CCDC88C: variants seen among roughly 807,000 people sequenced by gnomAD.
The protein encoded by CCDC88C is coiled-coil and HOOK domain protein 88C.
Under a neutral mutation model 198.8 loss-of-function variants are expected in CCDC88C, and 131 were observed. That is an observed-to-expected ratio of 0.66 (90% CI 0.57 to 0.76). CCDC88C has a LOEUF of 0.76. CCDC88C is among the 30% of genes least tolerant of loss of function. The pLI, the probability that CCDC88C is intolerant of heterozygous loss-of-function variation, is 0.00. For synonymous variants in CCDC88C, 1,166 were observed against 1,114.7 expected (o/e 1.05, Z -0.92); for missense variants, 2,553 against 2,631.6 (o/e 0.97, Z 0.65).
Position 91,332,968 on chromosome 14 carries a change from G to A in CCDC88C, c.1050+5037C>T, listed in dbSNP as rs986570711. Reference sequence around the variant, plus strand: ...TTGGCTCTGCAAACCCTGCCTTTCCGGAGGGAATCCACGAGTGAAGAGCCT... The same window carrying A: ...TTGGCTCTGCAAACCCTGCCTTTCCAGAGGGAATCCACGAGTGAAGAGCCT... On this transcript the variant is annotated intron_variant, in intron 10 of 29. Transcript: ENST00000389857. 5.3e-5 allele frequency among the ~76,000 whole-genome samples: 8 copies of A among 152,284 alleles called. No individual in the cohort carries two copies. The South Asian group carries it at 1.0e-3, about 20-fold the overall frequency.
intron 3 of CCDC88C, among the ~76,000 whole-genome samples, chr14:91,401,990 A>G (rs1886230123): frequency 6.6e-6 from 1 of 152,182 alleles, no homozygotes; most frequent in Non-Finnish European, 1.5e-5. Context: ...GCTTTTGACA[A>G]AAGATTTTCC....
chr14:91,273,244 T>G lies in CCDC88C; in HGVS notation c.5468A>C (p.Gln1823Pro). ...AGCCCCCAGCTTCTGAGGGGACTCC[T>G]GTTTGCAGGCCTCTGGCCCGCTGGC... Reference protein sequence around the residue: ...LRASGPEACKQESPQKLGAPE... With the variant: ...LRASGPEACKPESPQKLGAPE... The change falls in exon 30 of 30, where the codon CAG (glutamine) becomes CCG (proline). Residue 1823 changes from glutamine (Q) to proline (P), a missense_variant. Coordinates refer to ENST00000389857, the MANE Select transcript of CCDC88C (RefSeq NM_001080414.4). The surrounding 1 kb of genome is among the most constrained non-coding windows in gnomAD (Gnocchi z 5.6). 1.3e-6 allele frequency: 2 copies of G among 1,559,746 alleles called. No individual in the cohort carries two copies. The highest frequency in any genetic ancestry group is 2.4e-5 in the South Asian group (2 of 84,926).
At chr14:91,394,899 C>CAG (rs1478773665) in intron 3 of CCDC88C, among the ~76,000 whole-genome samples, 1 of 152,194 alleles carries the variant, frequency 6.6e-6, no homozygotes, top group Non-Finnish European at 1.5e-5. Context: ...CAAATGAACA[C>CAG]AGAGTGGCCA....
intron 6 of CCDC88C, 109 bp downstream of exon 6, chr14:91,342,271 A>T: frequency 1.5e-6 from 1 of 645,864 alleles, no homozygotes; most frequent in Non-Finnish European, 2.8e-6. Flanking sequence ...GCAAAATCGT[A>T]ATGGGTGATG....
rs541931797 is a variant in CCDC88C, at chr14:91,402,244, T to C, written c.270+6415A>G. On this transcript the variant is annotated intron_variant, in intron 3 of 29. Coordinates refer to ENST00000389857, the MANE Select transcript of CCDC88C (RefSeq NM_001080414.4). ...TGAGCTATGATCATACCACTGCACT[T>C]TGGCCTGGGAAACCGAGCAAGACTG... is the stretch of plus-strand genomic sequence containing the variant. Among the ~76,000 whole-genome samples, 18 of 152,200 alleles carry C rather than the reference T, an allele frequency of 1.2e-4. No individual in the cohort carries two copies. The East Asian group carries it at 3.3e-3, about 28-fold the overall frequency.
intron 20 of CCDC88C, among the ~76,000 whole-genome samples, chr14:91,301,365 G>GA (rs886451516): frequency 2.6e-5 from 4 of 152,186 alleles, no homozygotes; most frequent in African/African-American, 9.7e-5. Flanking sequence ...GACCTGCAGG[G>GA]AAAACAACAG....
chr14:91,292,014 G>C (rs1045658123), intron 23 of CCDC88C, among the ~76,000 whole-genome samples: 1 of 152,152 alleles, frequency 6.6e-6, no homozygotes, highest in African/African-American at 2.4e-5. Flanking sequence ...GTGGTCTTGA[G>C]AGCCCAGACC....
chr14:91,327,566 T>C (rs1892631285), intron 10 of CCDC88C, among the ~76,000 whole-genome samples: 1 of 152,152 alleles, frequency 6.6e-6, no homozygotes, highest in South Asian at 2.1e-4. Flanking sequence ...ACGAACCTAG[T>C]GAGGTACAAA....
chr14:91,277,889 G>C lies in CCDC88C; in HGVS notation c.5058+33C>G, dbSNP rs17796691. On this transcript the variant is annotated intron_variant, in intron 29 of 29. Coordinates refer to ENST00000389857, the MANE Select transcript of CCDC88C (RefSeq NM_001080414.4). ...GCCAGGAAGAGACAGAGAGGGAAGA[G>C]AGACGGGCCAAGTCCGTGTCCGGAT... 0.11 allele frequency: 155,354 copies of C among 1,459,694 alleles called. 9,049 individuals carry two copies. The highest frequency in any genetic ancestry group is 0.12 in the Non-Finnish European group (126,873 of 1,098,664). 90.4% of individuals were successfully genotyped at this position (1,459,694 alleles called of 1,614,324 possible). A position where few individuals can be genotyped will look rare whatever the true frequency, so the allele number is the denominator to read the frequency against.
intron 10 of CCDC88C, among the ~76,000 whole-genome samples, chr14:91,326,961 T>C (rs1350912504): frequency 6.6e-6 from 1 of 152,200 alleles, no homozygotes; most frequent in Non-Finnish European, 1.5e-5. Context: ...CTGGATCTAT[T>C]TTTGACACAG....
At chr14:91,304,471 C>T (rs1470546265) in intron 19 of CCDC88C, among the ~76,000 whole-genome samples, 1 of 152,188 alleles carries the variant, frequency 6.6e-6, no homozygotes. Context: ...TGCCTATAGT[C>T]CCAGCTACTT....
chr14:91,299,941 C>T lies in CCDC88C; in HGVS notation c.3765G>A (p.Arg1255=), dbSNP rs1276023779. 1.9e-6 allele frequency: 3 copies of T among 1,588,934 alleles called. No homozygotes were observed. Among genetic ancestry groups the T allele is most frequent in the Admixed American group, 3.5e-5 (2 of 57,146 alleles). Residue 1255 remains arginine (R), a synonymous_variant, in exon 21 of 30, where the codon CGG becomes CGA. Transcript: ENST00000389857. ...CCGGCGCTCACCTGTCCAGCTCGCCCCGCAGCCTCTGGTTCTCGCCCATGG... is the reference window on the plus strand; with the variant it reads ...CCGGCGCTCACCTGTCCAGCTCGCCTCGCAGCCTCTGGTTCTCGCCCATGG... ...ALAMGENQRL[R]GELDRVNFLH... is the part of the protein sequence containing the mutation.
intron 10 of CCDC88C, among the ~76,000 whole-genome samples, chr14:91,337,284 G>A (rs935951141): frequency 2.0e-5 from 3 of 152,216 alleles, no homozygotes; most frequent in Admixed American, 2.0e-4. Flanking sequence ...TGGCTATGGG[G>A]CTTGCCCAAC....
At chr14:91,312,811 T>C (rs1179236339) in intron 15 of CCDC88C, among the ~76,000 whole-genome samples, 1 of 152,216 alleles carries the variant, frequency 6.6e-6, no homozygotes, top group Non-Finnish European at 1.5e-5. Context: ...CTCACCTGTG[T>C]GTAAGTATGA....
chr14:91,348,824 T>A (rs1316229859), intron 4 of CCDC88C, among the ~76,000 whole-genome samples: 3 of 152,204 alleles, frequency 2.0e-5, no homozygotes, highest in African/African-American at 4.8e-5. Context: ...CTCATTCAAA[T>A]GAAGCAGAGT....
At chr14:91,367,384 A>G (rs543975838) in intron 3 of CCDC88C, among the ~76,000 whole-genome samples, 1 of 152,302 alleles carries the variant, frequency 6.6e-6, no homozygotes, top group Non-Finnish European at 1.5e-5. Flanking sequence ...GCCGCTGTTG[A>G]CCCACACACG....
rs1889834275 is a variant in CCDC88C at position 91,273,543 on chromosome 14, C to T, written c.5169G>A (p.Lys1723=). 3 of 1,514,550 alleles carry T rather than the reference C, an allele frequency of 2.0e-6. No homozygotes were observed. The allele number at this position is 1,514,550 out of a possible 1,614,324, so 93.8% of individuals were successfully genotyped here. The change falls in exon 30 of 30, where the codon AAG becomes AAA. Residue 1723 remains lysine, a synonymous_variant. Coordinates refer to ENST00000389857, the MANE Select transcript of CCDC88C (RefSeq NM_001080414.4). This position sits in a 1 kb window ranked among gnomAD's most constrained non-coding sequence, Gnocchi z 5.6. ...TGGGGGCCACAAAGTTGGTGGGCAT[C>T]TTGGCCCCTTCTTTCTTGGCAGGTG... ...PGPPAKKEGA[K]MPTNFVAPTV...
chr14:91,338,475 G>A lies in CCDC88C; in HGVS notation c.891+14C>T, dbSNP rs1893154218. 1.3e-6 allele frequency: 2 copies of A among 1,556,518 alleles called. No individual in the cohort carries two copies. Among genetic ancestry groups the A allele is most frequent in the African/African-American group, 2.7e-5 (2 of 73,256 alleles). ...GCTACCCCCAGGACACACAGGCTCA[G>A]GCCCCCGACTCACCTCCTGCTTAAC... On this transcript the variant is annotated intron_variant, in intron 9 of 29. Transcript: ENST00000389857. The surrounding 1 kb of genome is among the most constrained non-coding windows in gnomAD (Gnocchi z 4.8).
intron 3 of CCDC88C, among the ~76,000 whole-genome samples, chr14:91,376,763 G>A (rs1202270941): frequency 2.0e-5 from 3 of 152,206 alleles, no homozygotes; most frequent in African/African-American, 4.8e-5. Flanking sequence ...GCCCAGTGTC[G>A]GTTCAGCCCC....
Sources: gnomAD v4.1 joint callset for allele counts (sites outside exome capture counted in the v4.1 genomes callset) on GRCh38, gnomAD v4.1.1 for gene constraint, Gnocchi (gnomAD v3.1) non-coding constraint, MANE v1.5 for transcripts, NCBI Gene and HGNC (gene_info 2026-07-23, HGNC 2026-07-21) for gene names.